RNF216: variants seen among roughly 807,000 people sequenced by gnomAD.
RNF216 encodes E3 ubiquitin-protein ligase RNF216.
In RNF216, 72 loss-of-function variants were observed where a neutral mutation model predicts 110.8. That is an observed-to-expected ratio of 0.65 (90% CI 0.54 to 0.79). The LOEUF (loss-of-function observed/expected upper bound fraction) is 0.79, where lower values mean the gene tolerates loss of function less well. Ranked by LOEUF, RNF216 falls within the 30% of genes least tolerant of loss-of-function variation. The pLI is 0.00. For missense variants in RNF216, 1,342 were observed against 1,141.2 expected (o/e 1.18, Z -2.54); for synonymous variants, 495 against 407.5 (o/e 1.21, Z -2.59).
intron 15 of RNF216, among the ~76,000 whole-genome samples, chr7:5,629,193 T>A (rs1442696921): frequency 7.2e-5 from 8 of 110,696 alleles, no homozygotes; most frequent in African/African-American, 3.1e-4. Context: ...AGACTCTGTC[T>A]CAAAAAAAAA....
intron 13 of RNF216, chr7:5,662,566 C>T (rs1789214924): frequency 1.3e-5 from 2 of 152,180 alleles, no homozygotes; most frequent in African/African-American, 2.4e-5. Flanking sequence ...AGTTTCTGCA[C>T]TGAAAGGAAT....
chr7:5,623,426 G>A (rs1335290543), intron 16 of RNF216, among the ~76,000 whole-genome samples: 1 of 151,548 alleles, frequency 6.6e-6, no homozygotes, highest in Non-Finnish European at 1.5e-5. Context: ...ACATCCTTCA[G>A]AGCCAGGGCC....
At chr7:5,732,683 C>G (rs1794161527) in intron 5 of RNF216, among the ~76,000 whole-genome samples, 1 of 152,194 alleles carries the variant, frequency 6.6e-6, no homozygotes, top group Non-Finnish European at 1.5e-5. Context: ...AAATGAAGGA[C>G]AAAGTTTTTC....
chr7:5,738,524 T>C (rs1286119335), intron 5 of RNF216, among the ~76,000 whole-genome samples: 1 of 151,914 alleles, frequency 6.6e-6, no homozygotes, highest in Non-Finnish European at 1.5e-5. Flanking sequence ...CTGGCTAACA[T>C]GGTGAAACCC....
intron 13 of RNF216, among the ~76,000 whole-genome samples, chr7:5,706,826 C>T (rs1792320765): frequency 6.6e-6 from 1 of 152,172 alleles, no homozygotes; most frequent in African/African-American, 2.4e-5. Context: ...TGGTATTATA[C>T]CCAGGAAATC....
chr7:5,677,036 ACTAGTGGCCTGAC>A (rs1163573887), intron 13 of RNF216, among the ~76,000 whole-genome samples: 1 of 152,202 alleles, frequency 6.6e-6, no homozygotes, highest in Non-Finnish European at 1.5e-5. Context: ...AAGAGAACTA[ACTAGTGGCCTGAC>A]CTAAGAGAAA....
chr7:5,656,461 G>A (rs1451474386), intron 13 of RNF216, among the ~76,000 whole-genome samples: 4 of 152,164 alleles, frequency 2.6e-5, no homozygotes, highest in Non-Finnish European at 5.9e-5. Context: ...CATCGCGCGG[G>A]ACCACACTTT....
chr7:5,649,622 A>T (rs1224286500), intron 14 of RNF216: 2 of 149,890 alleles, frequency 1.3e-5, no homozygotes, highest in Admixed American at 6.7e-5. Flanking sequence ...CCTCTCTCTA[A>T]AAAAAAAAAC....
intron 7 of RNF216, among the ~76,000 whole-genome samples, chr7:5,726,692 T>C (rs906655628): frequency 1.3e-5 from 2 of 152,022 alleles, no homozygotes; most frequent in African/African-American, 2.4e-5. Context: ...ACCCCGTCTC[T>C]AGTAAAAATA....
At position 5,761,155 on chromosome 7, in the gene RNF216, G is replaced by A. The variant is rs1195478424; in HGVS notation, c.-69-17C>T. ...TCAAAAGAACTGAAAAGGAAGCAAAGAGTAACAGTAAGAATGAGGGAGTAT... is the reference window on the plus strand; with the variant it reads ...TCAAAAGAACTGAAAAGGAAGCAAAAAGTAACAGTAAGAATGAGGGAGTAT... On this transcript the variant is annotated splice_polypyrimidine_tract_variant and intron_variant, in intron 1 of 16. Transcript: ENST00000389902. 3 of 740,690 alleles carry A rather than the reference G, an allele frequency of 4.1e-6. No homozygotes were observed. In the Admixed American group the frequency reaches 8.9e-5, roughly 22 times the overall value. 45.9% of individuals were successfully genotyped at this position (740,690 alleles called of 1,614,324 possible). A position where few individuals can be genotyped will look rare whatever the true frequency, so the allele number is the denominator to read the frequency against.
intron 11 of RNF216, among the ~76,000 whole-genome samples, chr7:5,714,324 T>C (rs367600474): frequency 6.1e-4 from 93 of 152,214 alleles, no homozygotes; most frequent in African/African-American, 1.9e-3. Context: ...AATGGCACGA[T>C]CTCAACTCAC....
At chr7:5,682,468 C>T (rs1346055559) in intron 13 of RNF216, among the ~76,000 whole-genome samples, 3 of 150,150 alleles carry the variant, frequency 2.0e-5, no homozygotes, top group Non-Finnish European at 3.0e-5. Context: ...AGTGCAGTGG[C>T]GCGGTCTTGT....
intron 4 of RNF216, among the ~76,000 whole-genome samples, chr7:5,740,029 C>CA (rs1193805331): frequency 1.4e-5 from 2 of 141,178 alleles, no homozygotes; most frequent in Non-Finnish European, 3.1e-5. Context: ...AAAAACAAAA[C>CA]AAAAAAAACC....
At chr7:5,776,872 G>A (rs1796808828) in intron 1 of RNF216, among the ~76,000 whole-genome samples, 2 of 127,802 alleles carry the variant, frequency 1.6e-5, no homozygotes, top group Admixed American at 2.1e-4. Context: ...CTGCACTCCA[G>A]CCTGTGCGAC....
At chr7:5,780,991 C>T (rs1417706736) in intron 1 of RNF216, among the ~76,000 whole-genome samples, 1 of 152,242 alleles carries the variant, frequency 6.6e-6, no homozygotes, top group Non-Finnish European at 1.5e-5. Flanking sequence ...GGCCAGCCCC[C>T]AGCGCCCCGC....
intron 9 of RNF216, among the ~76,000 whole-genome samples, chr7:5,719,188 C>A (rs890874775): frequency 6.6e-6 from 1 of 152,056 alleles, no homozygotes. Flanking sequence ...CGAGACCAGC[C>A]TGGACAGCAT....
At chr7:5,640,518 A>G (rs778920037) in intron 15 of RNF216, among the ~76,000 whole-genome samples, 23 of 152,098 alleles carry the variant, frequency 1.5e-4, no homozygotes, top group East Asian at 3.9e-4. Flanking sequence ...CCGATCCCCA[A>G]ACAGACCCTA....
chr7:5,758,128 A>T (rs1429214911), intron 2 of RNF216, among the ~76,000 whole-genome samples: 1 of 152,270 alleles, frequency 6.6e-6, no homozygotes, highest in African/African-American at 2.4e-5. Flanking sequence ...TTCCAAAATG[A>T]ATTAGTTGTT....
intron 10 of RNF216, 102 bp from the exon 11 acceptor site, chr7:5,715,292 G>C: frequency 1.6e-6 from 2 of 1,241,700 alleles, no homozygotes; most frequent in Admixed American, 4.0e-5. Flanking sequence ...CACAAATTCT[G>C]AGGTAAAGCA....
Sources: allele counts gnomAD v4.1 joint callset (sites outside exome capture counted in the v4.1 genomes callset), GRCh38; gene constraint gnomAD v4.1.1; transcripts MANE v1.5; gene names NCBI Gene and HGNC (gene_info 2026-07-23, HGNC 2026-07-21).